GREB1: variants seen among roughly 807,000 people sequenced by gnomAD.
GREB1 encodes the protein protein GREB1.
GREB1 carries 106 observed loss-of-function variants against 200.7 expected under a neutral mutation model. That is an observed-to-expected ratio of 0.53 (90% CI 0.45 to 0.62). The LOEUF (loss-of-function observed/expected upper bound fraction) is 0.62. Among genes scored for constraint, GREB1 ranks in the 20% least tolerant of loss-of-function variants. The pLI is 0.00. For synonymous variants in GREB1, 1,132 were observed against 1,092.4 expected (o/e 1.04, Z -0.72); for missense variants, 2,243 against 2,556.8 (o/e 0.88, Z 2.65).
intron 11 of GREB1, among the ~76,000 whole-genome samples, chr2:11,594,013 T>C (rs1680982390): frequency 6.6e-6 from 1 of 151,654 alleles, no homozygotes; most frequent in African/African-American, 2.4e-5. Flanking sequence ...TTTAATGCAC[T>C]TTTTTTTTGA....
In GREB1 at chr2:11,618,933, G is replaced by T. The variant is rs376190688; in HGVS notation, c.4044+14G>T. On this transcript the variant is annotated intron_variant, in intron 22 of 32. Coordinates refer to ENST00000381486, the MANE Select transcript of GREB1 (RefSeq NM_014668.4). ...GGCCCCCCTCAGGTGAGTGTTGCTC[G>T]CTGCCCCAGCACAGCCCCGGACTGG... 2 of 1,483,418 alleles carry T rather than the reference G, an allele frequency of 1.3e-6. No homozygotes were observed. The highest frequency in any genetic ancestry group is 2.2e-5 in the Admixed American group (1 of 45,488). The allele number at this position is 1,483,418 out of a possible 1,614,324, so 91.9% of individuals were successfully genotyped here. A position where few individuals can be genotyped will look rare whatever the true frequency, so the allele number is the denominator to read the frequency against.
intron 1 of GREB1, among the ~76,000 whole-genome samples, chr2:11,538,776 CCGTCTTCCTTCCTTCCT>C (rs1558511347): frequency 4.1e-5 from 1 of 24,386 alleles, no homozygotes; most frequent in Non-Finnish European, 1.3e-4. Context: ...TCCTTCCTTC[CCGTCTTCCTTCCTTCCT>C]TCCCTTCTTT....
chr2:11,507,851 C>G (rs2148441990), intron 1 of GREB1, among the ~76,000 whole-genome samples: 1 of 152,266 alleles, frequency 6.6e-6, no homozygotes, highest in South Asian at 2.1e-4. Flanking sequence ...ACCACATAGG[C>G]CTTGGAGTGG....
intron 29 of GREB1, 65 bp downstream of exon 29, chr2:11,634,414 C>A: frequency 7.6e-7 from 1 of 1,308,344 alleles, no homozygotes; most frequent in Non-Finnish European, 1.1e-6. Context: ...TGAGTGAGGG[C>A]AGCCTGGGGC....
Position 11,588,858 on chromosome 2 carries a change from C to A in GREB1, c.1272C>A (p.Tyr424Ter), listed in dbSNP as rs762101287. 11 of 1,613,972 alleles carry A rather than the reference C, an allele frequency of 6.8e-6. No homozygotes were observed. The Admixed American group carries it at 1.5e-4, about 22-fold the overall frequency. ...SQSVSRAYEQ[Y>*]GASAIQPISE... ...CTGTCTCACGGGCATACGAGCAGTA[C>A]GGCGCCTCTGCCATCCAGCCCATCT... Residue 424 changes from tyrosine to a stop codon, truncating the protein, a stop_gained, in exon 10 of 33, where the codon TAC becomes TAA. Transcript: ENST00000381486. LOFTEE classifies it high-confidence loss of function.
At chr2:11,576,747 G>A (rs1474121041) in intron 5 of GREB1, among the ~76,000 whole-genome samples, 4 of 152,168 alleles carry the variant, frequency 2.6e-5, no homozygotes, top group South Asian at 2.1e-4. Flanking sequence ...TTTAAAAGTC[G>A]ACAGAGGGCC....
chr2:11,596,280 A>C (rs778171354), intron 13 of GREB1, 41 bp downstream of exon 13: 2 of 1,589,766 alleles, frequency 1.3e-6, no homozygotes, highest in South Asian at 1.1e-5. Flanking sequence ...GAGAGGGTAC[A>C]AAGTAGTGAT....
rs1006474265 is a variant in GREB1, at chr2:11,593,104, C to T, written c.1674C>T (p.Ile558=). 1.2e-6 allele frequency: 2 copies of T among 1,606,536 alleles called. No homozygotes were observed. The highest frequency in any genetic ancestry group is 1.3e-5 in the African/African-American group (1 of 74,722). ...VIICACRSAA[I]DSCIAVTGKY... ...TCTGCGCCTGCCGCAGCGCGGCCAT[C>T]GACTCCTGCATCGCCGTCACCGGTG... Residue 558 remains isoleucine (I), a synonymous_variant, in exon 11 of 33, where the codon ATC becomes ATT. Coordinates refer to ENST00000381486, the MANE Select transcript of GREB1 (RefSeq NM_014668.4).
chr2:11,489,001 C>T (rs1463959404), intron 1 of GREB1, among the ~76,000 whole-genome samples: 1 of 152,024 alleles, frequency 6.6e-6, no homozygotes, highest in Non-Finnish European at 1.5e-5. Context: ...TTTGGTCACC[C>T]TTGTATCCCA....
intron 9 of GREB1, chr2:11,587,787 C>T: frequency 1.8e-6 from 2 of 1,104,086 alleles, no homozygotes; most frequent in Non-Finnish European, 2.2e-6. Flanking sequence ...TTGATAGCTT[C>T]ACCGCTTCAC....
intron 23 of GREB1, among the ~76,000 whole-genome samples, chr2:11,623,989 G>C (rs1057041930): frequency 6.6e-6 from 1 of 152,156 alleles, no homozygotes; most frequent in Non-Finnish European, 1.5e-5. Context: ...AGACATTTTT[G>C]ATCAGTTGCA....
intron 4 of GREB1, among the ~76,000 whole-genome samples, chr2:11,573,134 G>T (rs1267697656): frequency 6.6e-6 from 1 of 152,174 alleles, no homozygotes; most frequent in Non-Finnish European, 1.5e-5. Flanking sequence ...AGACATCCAG[G>T]CTTATGCACA....
chr2:11,585,326 T>G, intron 8 of GREB1, 52 bp downstream of exon 8: 1 of 1,114,696 alleles, frequency 9.0e-7, no homozygotes, highest in Non-Finnish European at 1.3e-6. Flanking sequence ...CTGGTGGTAG[T>G]GCTGCTGCCA....
At chr2:11,576,645 C>T (rs1232551383) in intron 5 of GREB1, 110 bp downstream of exon 5, 11 of 764,472 alleles carry the variant, frequency 1.4e-5, no homozygotes, top group South Asian at 7.8e-5. Context: ...GCACACATCA[C>T]GGGCAAAAGG....
At position 11,585,413 on chromosome 2, in the gene GREB1, G is replaced by T. The variant is rs1278587736; in HGVS notation, c.1015+139G>T. On this transcript the variant is annotated intron_variant, in intron 8 of 32. Transcript: ENST00000381486. ...GTACTGATGAGGGAGTTCTAAGGAG[G>T]CAGAGTTTGGTGTGACAAAAGACCT... 12 of 613,124 alleles carry T rather than the reference G, an allele frequency of 2.0e-5. No homozygotes were observed. In the East Asian group the frequency reaches 3.1e-4, roughly 16 times the overall value. 38.0% of individuals were successfully genotyped at this position (613,124 alleles called of 1,614,324 possible).
intron 10 of GREB1, among the ~76,000 whole-genome samples, chr2:11,592,558 A>G (rs911432251): frequency 6.7e-6 from 1 of 150,008 alleles, no homozygotes; most frequent in Non-Finnish European, 1.5e-5. Context: ...AAAAACTTTC[A>G]TATGGAAAAA....
At chr2:11,575,255 A>G (rs1572766617) in intron 4 of GREB1, among the ~76,000 whole-genome samples, 2 of 152,214 alleles carry the variant, frequency 1.3e-5, no homozygotes, top group African/African-American at 4.8e-5. Context: ...TTTGAGCCCA[A>G]AGAAACCAGA....
At chr2:11,562,926 T>G in intron 3 of GREB1, 1 of 182,748 alleles carries the variant, frequency 5.5e-6, no homozygotes, top group African/African-American at 2.3e-5. Flanking sequence ...TCAGGCCTGT[T>G]TGCACAGCAT....
intron 17 of GREB1, among the ~76,000 whole-genome samples, chr2:11,610,287 G>A (rs987247265): frequency 2.6e-5 from 4 of 152,196 alleles, no homozygotes; most frequent in Non-Finnish European, 4.4e-5. Context: ...ATTGCTGGTG[G>A]TTCTCCTGTT....
Sources: gnomAD v4.1 joint callset for allele counts (sites outside exome capture counted in the v4.1 genomes callset) on GRCh38, gnomAD v4.1.1 for gene constraint, MANE v1.5 for transcripts, NCBI Gene and HGNC (gene_info 2026-07-23, HGNC 2026-07-21) for gene names.